Variants in SPATA6L observed in about 807,000 individuals in gnomAD.
SPATA6L encodes the protein spermatogenesis associated 6 like, also known as spermatogenesis associated 6-like protein.
A neutral mutation model predicts 49.2 loss-of-function variants in SPATA6L; 68 were observed. That is an observed-to-expected ratio of 1.38 (90% CI 1.14 to 1.69). The LOEUF (loss-of-function observed/expected upper bound fraction) is 1.69. Ranked by LOEUF, SPATA6L falls within the 40% of genes most tolerant of loss-of-function variation. The pLI, the probability that SPATA6L is intolerant of heterozygous loss-of-function variation, is 0.00. For missense variants in SPATA6L, 668 were observed against 464.3 expected, an observed-to-expected ratio of 1.44 and a Z score of -4.03; for synonymous variants, 198 against 165.7, an observed-to-expected ratio of 1.19 and a Z score of -1.50.
intron 11 of SPATA6L, among the ~76,000 whole-genome samples, chr9:4,602,898 C>T (rs1451080363): frequency 6.6e-6 from 1 of 152,082 alleles, no homozygotes. Flanking sequence ...ATTGGGTTGT[C>T]CTGAGAATTA....
Position 4,650,919 on chromosome 9 carries a change from C to G in SPATA6L, c.226+5122G>C, listed in dbSNP as rs200348654. Among the ~76,000 whole-genome samples, 17 of 151,810 alleles carry G rather than the reference C, an allele frequency of 1.1e-4. No individual in the cohort carries two copies. The East Asian group carries it at 3.1e-3, about 28-fold the overall frequency. On this transcript the variant is annotated intron_variant, in intron 3 of 11. Coordinates refer to ENST00000682582, the MANE Select transcript of SPATA6L (RefSeq NM_001353486.2). Reference sequence around the variant, plus strand: ...GTTTCACCATATTGGCCAGGCTGGTCTTGAACTCCTGAGCTCAAGTGATCT... The same window carrying G: ...GTTTCACCATATTGGCCAGGCTGGTGTTGAACTCCTGAGCTCAAGTGATCT...
intron 6 of SPATA6L, among the ~76,000 whole-genome samples, chr9:4,624,727 CAAAAAAA>C (rs58455568): frequency 4.1e-5 from 3 of 72,508 alleles, no homozygotes; most frequent in Admixed American, 1.5e-4. Context: ...GACTCTGTCT[CAAAAAAA>C]AAAAAAAAAA....
intron 4 of SPATA6L, among the ~76,000 whole-genome samples, chr9:4,632,428 T>A (rs1195777547): frequency 1.3e-5 from 2 of 151,798 alleles, no homozygotes; most frequent in African/African-American, 4.8e-5. Context: ...AAACCTCGTC[T>A]CTACTAAAAA....
chr9:4,653,084 G>A (rs991907209), intron 3 of SPATA6L, among the ~76,000 whole-genome samples: 9 of 152,058 alleles, frequency 5.9e-5, no homozygotes, highest in African/African-American at 2.2e-4. Flanking sequence ...AAACTAAGCT[G>A]GAAGATTTAC....
intron 9 of SPATA6L, among the ~76,000 whole-genome samples, chr9:4,612,266 A>C (rs1245616945): frequency 6.6e-6 from 1 of 151,954 alleles, no homozygotes; most frequent in African/African-American, 2.4e-5. Context: ...GAGCCACTAC[A>C]CCCAGCCTCC....
At chr9:4,622,311 C>A (rs1239241285) in intron 7 of SPATA6L, 97 bp downstream of exon 7, 3 of 770,692 alleles carry the variant, frequency 3.9e-6, no homozygotes, top group Non-Finnish European at 6.6e-6. Context: ...GCTCACAGTT[C>A]TGAACATCAC....
chr9:4,606,215 C>T (rs1824920345), intron 9 of SPATA6L, among the ~76,000 whole-genome samples: 1 of 148,982 alleles, frequency 6.7e-6, no homozygotes, highest in Non-Finnish European at 1.5e-5. Flanking sequence ...GGCAGCGAGG[C>T]TGGGGGAGGG....
In SPATA6L at chr9:4,625,399, CT is replaced by C; in HGVS notation, c.596del (p.Gln199ArgfsTer5). The C allele has an allele frequency of 1.2e-6, 2 of 1,614,118 alleles. No homozygotes were observed. The highest frequency in any genetic ancestry group is 1.7e-6 in the Non-Finnish European group (2 of 1,180,030). Reference protein sequence around the residue: ...QYSTRHFFQDQPAQLNLGNNF... With the variant: ...QYSTRHFFQDXPAQLNLGNNF... ...TATTTCCAAGGTTCAACTGAGCTGG[CT>C]GGTCCTGGAAGAAATGCCTGGTAGA... On this transcript the variant is annotated frameshift_variant, in exon 6 of 12. Transcript: ENST00000682582. LOFTEE classifies it high-confidence loss of function.
chr9:4,657,826 T>C (rs1377751345), intron 2 of SPATA6L, among the ~76,000 whole-genome samples: 2 of 152,330 alleles, frequency 1.3e-5, no homozygotes, highest in East Asian at 1.9e-4. Context: ...GTAAAATCTC[T>C]AGTTAGAGGT....
At chr9:4,592,664 A>G (rs1192326698) in intron 13 of SPATA6L, among the ~76,000 whole-genome samples, 2 of 152,362 alleles carry the variant, frequency 1.3e-5, no homozygotes, top group East Asian at 3.9e-4. Flanking sequence ...TTCAAAGCAG[A>G]TAAGAATCAT....
rs1017397536 is a variant in SPATA6L at position 4,611,379 on chromosome 9, C to G, written c.996-5939G>C. ...TTTATTGCGGCACTACTCACAATAG[C>G]AAAGACTCGGAACCAACCCAAATGT... On this transcript the variant is annotated intron_variant, in intron 9 of 11. Transcript: ENST00000682582. 2.1e-5 allele frequency among the ~76,000 whole-genome samples: 3 copies of G among 144,844 alleles called. 1 individual carries two copies. Among genetic ancestry groups the G allele is most frequent in the African/African-American group, 8.7e-5 (3 of 34,502 alleles).
Position 4,604,193 on chromosome 9 carries a change from T to G in SPATA6L, c.1166A>C (p.Gln389Pro). The G allele has an allele frequency of 6.2e-7, 1 of 1,609,558 alleles. No homozygotes were observed. Among genetic ancestry groups the G allele is most frequent in the Non-Finnish European group, 8.5e-7 (1 of 1,177,010 alleles). Residue 389 changes from glutamine to proline, a missense_variant, in exon 11 of 12, where the codon CAG becomes CCG. Gln to Pro is a moderately conservative substitution (Grantham distance 76, BLOSUM62 -1). Coordinates refer to ENST00000682582, the MANE Select transcript of SPATA6L (RefSeq NM_001353486.2). Reference protein sequence around the residue: ...YPLKKYSLHEQRYF With the variant: ...YPLKKYSLHEPRYF ...TAAGACAGTACCTTAAAAATATCTC[T>G]GTTCATGCAGTGAGTATTTCTTCAG...
In SPATA6L at chr9:4,600,000, A is replaced by T. The variant is rs10758635; in HGVS notation, c.*811T>A. ...CCCCTTCCTATTCCTGCTCCCTCAC[A>T]CTGTGTAAGCATTTCATAGATGCAC... On this transcript the variant is annotated 3_prime_UTR_variant, in exon 12 of 12. Transcript: ENST00000682582. Among the ~76,000 whole-genome samples, 79,901 of 152,062 alleles carry T rather than the reference A, an allele frequency of 0.53. 25,514 individuals carry two copies. The highest frequency in any genetic ancestry group is 0.73 in the Middle Eastern group (215 of 294).
chr9:4,619,538 G>C (rs1325216241), intron 7 of SPATA6L, among the ~76,000 whole-genome samples: 2 of 152,078 alleles, frequency 1.3e-5, no homozygotes, highest in Admixed American at 1.3e-4. Flanking sequence ...CCCTTAAGCA[G>C]CCTGAAAAAC....
intron 4 of SPATA6L, among the ~76,000 whole-genome samples, chr9:4,632,585 G>C (rs2130538793): frequency 7.2e-6 from 1 of 138,486 alleles, no homozygotes; most frequent in East Asian, 2.2e-4. Context: ...AACAGAGCAA[G>C]ACTCCATCTC....
At chr9:4,613,940 C>G (rs10974655) in intron 9 of SPATA6L, among the ~76,000 whole-genome samples, 10,756 of 152,138 alleles carry the variant, frequency 0.071, 533 homozygotes, top group East Asian at 0.27. Context: ...ATAAATGAAG[C>G]TAGCATTTAA....
intron 5 of SPATA6L, chr9:4,626,716 A>G (rs938563774): frequency 2.9e-5 from 13 of 452,396 alleles, no homozygotes; most frequent in African/African-American, 6.2e-5. Flanking sequence ...CCTGGCTGAT[A>G]TATCAGTTAA....
chr9:4,617,774 G>C (rs1372547744), intron 9 of SPATA6L, 149 bp downstream of exon 9: 1 of 647,202 alleles, frequency 1.5e-6, no homozygotes, highest in Non-Finnish European at 2.4e-6. Flanking sequence ...TGACTTTTGG[G>C]TAGATTTTAA....
At chr9:4,635,576 T>G (rs1197123186) in intron 3 of SPATA6L, among the ~76,000 whole-genome samples, 177 bp from the exon 4 acceptor site, 1 of 152,172 alleles carries the variant, frequency 6.6e-6, no homozygotes, top group African/African-American at 2.4e-5. Flanking sequence ...CGTGGATAAT[T>G]TTTTAAAGCC....
Sources: allele counts gnomAD v4.1 joint callset (sites outside exome capture counted in the v4.1 genomes callset), GRCh38; gene constraint gnomAD v4.1.1; transcripts MANE v1.5; gene names NCBI Gene and HGNC (gene_info 2026-07-23, HGNC 2026-07-21).